Variants in C5orf58 observed in about 807,000 individuals in gnomAD.
C5orf58 encodes the protein chromosome 5 open reading frame 58, also known as putative uncharacterized protein C5orf58.
Under a neutral mutation model 2.9 loss-of-function variants are expected in C5orf58, and 2 were observed. The observed-to-expected ratio is 0.69, with a 90% CI of 0.28 to 2.18. C5orf58 has a LOEUF of 2.18. Among genes scored for constraint, C5orf58 ranks in the 30% most tolerant of loss-of-function variants. The probability of loss-of-function intolerance (pLI) is 0.13; values close to 1 mark genes in which losing one functional copy is unlikely to be tolerated. For missense variants in C5orf58, 96 were observed against 91.7 expected (o/e 1.05, Z -0.19); for synonymous variants, 37 against 33.4 (o/e 1.11, Z -0.37).
In C5orf58 at chr5:170,252,021, A is replaced by G; in HGVS notation, c.*366A>G. The G allele has an allele frequency of 1.5e-5, 3 of 199,772 alleles. No homozygotes were observed. In the East Asian group the frequency reaches 3.2e-4, roughly 22 times the overall value. The allele number at this position is 199,772 out of a possible 1,614,324, so 12.4% of individuals were successfully genotyped here. On this transcript the variant is annotated 3_prime_UTR_variant, in exon 3 of 3. Coordinates refer to the C5orf58 transcript ENST00000517575. ...TAGAAACGTCTAGGGCAAAAAGCAA[A>G]AAGTTGCTGCCATCTCTTTAATATT...
chr5:170,237,944 C>T (rs1033134767), intron 3 of C5orf58, among the ~76,000 whole-genome samples: 3 of 152,224 alleles, frequency 2.0e-5, no homozygotes, highest in East Asian at 3.9e-4. Flanking sequence ...CAGATTTATA[C>T]CCACCAAGTA....
At chr5:170,237,789 A>C (rs937444647) in intron 3 of C5orf58, among the ~76,000 whole-genome samples, 4 of 152,208 alleles carry the variant, frequency 2.6e-5, no homozygotes, top group African/African-American at 4.8e-5. Flanking sequence ...TGAGGTTAAA[A>C]CAAGGATATT....
At chr5:170,240,531 G>T (rs1282649532) in intron 3 of C5orf58, among the ~76,000 whole-genome samples, 5 of 152,018 alleles carry the variant, frequency 3.3e-5, no homozygotes, top group African/African-American at 9.7e-5. Flanking sequence ...GGCCAGTGAT[G>T]ATGAGCATTT....
chr5:170,247,528 G>T (rs1761326184), downstream of C5orf58: 1 of 152,190 alleles, frequency 6.6e-6, no homozygotes. Flanking sequence ...AACAACCAAG[G>T]TCCCAAAGGG....
exon 3 of C5orf58, chr5:170,251,844 G>T (rs1267176921): frequency 3.1e-6 from 1 of 318,842 alleles, no homozygotes; most frequent in Non-Finnish European, 6.5e-6. Flanking sequence ...TGATCTAAAT[G>T]TGCAACTACT....
chr5:170,248,224 T>C (rs1159979204), downstream of C5orf58: 1 of 152,836 alleles, frequency 6.5e-6, no homozygotes, highest in Non-Finnish European at 1.5e-5. Flanking sequence ...AAATTATTGC[T>C]GCTGAGAAAA....
At chr5:170,241,708 T>G (rs1394302020) in intron 3 of C5orf58, among the ~76,000 whole-genome samples, 1 of 145,060 alleles carries the variant, frequency 6.9e-6, no homozygotes, top group Admixed American at 6.8e-5. Flanking sequence ...AGATATACAA[T>G]CATGTCATCT....
At chr5:170,251,730 TA>T in exon 3 of C5orf58, 1 of 451,152 alleles carries the variant, frequency 2.2e-6, no homozygotes, top group Admixed American at 2.4e-5. Context: ...AAATTAGAAT[TA>T]CCTGGGAAGT....
At position 170,235,024 on chromosome 5, in the gene C5orf58, A is replaced by G; in HGVS notation, c.48A>G (p.Val16=). 6.5e-7 allele frequency: 1 copy of G among 1,550,016 alleles called. No homozygotes were observed. The change falls in exon 3 of 4, where the codon GTA becomes GTG. Residue 16 remains valine (V), a synonymous_variant. Transcript: ENST00000593851. ...VTDHKLNVDK[V]IKNINTISSE... ...ATCATAAGCTAAATGTGGACAAAGT[A>G]ATTAAAAATATTAACACAATTTCTT...
downstream of C5orf58, among the ~76,000 whole-genome samples, chr5:170,249,033 A>C (rs1214516879): frequency 6.6e-6 from 1 of 152,196 alleles, no homozygotes; most frequent in Non-Finnish European, 1.5e-5. Context: ...GATAAAGATA[A>C]AATATGGGCC....
chr5:170,238,507 G>C (rs1319645868), intron 3 of C5orf58, among the ~76,000 whole-genome samples: 1 of 152,066 alleles, frequency 6.6e-6, no homozygotes, highest in African/African-American at 2.4e-5. Flanking sequence ...GTTAGAAAGA[G>C]AGAACATACA....
At chr5:170,249,000 T>A (rs898800249), downstream of C5orf58, among the ~76,000 whole-genome samples, 1 of 152,166 alleles carries the variant, frequency 6.6e-6, no homozygotes, top group Non-Finnish European at 1.5e-5. Context: ...AAAAAATTCC[T>A]CATAAACATC....
intron 3 of C5orf58, among the ~76,000 whole-genome samples, chr5:170,245,418 C>G (rs1231325039): frequency 2.0e-5 from 3 of 152,200 alleles, no homozygotes; most frequent in Non-Finnish European, 4.4e-5. Context: ...TGCTAGCAAT[C>G]AGCGAGACTC....
chr5:170,248,007 G>A (rs559694166), downstream of C5orf58: 114 of 152,236 alleles, frequency 7.5e-4, no homozygotes, highest in African/African-American at 2.7e-3. Context: ...GGTATTTGTA[G>A]TTTAAATTTT....
downstream of C5orf58, chr5:170,250,816 A>G: frequency 6.2e-7 from 1 of 1,612,646 alleles, no homozygotes; most frequent in Non-Finnish European, 8.5e-7. Context: ...TTATCTTTGT[A>G]CAACACCATG....
At chr5:170,248,619 T>C, downstream of C5orf58, 1 of 1,526,482 alleles carries the variant, frequency 6.6e-7, no homozygotes, top group Non-Finnish European at 9.0e-7. Flanking sequence ...CCTAAGTGTT[T>C]GTCCATTGAC....
downstream of C5orf58, chr5:170,248,735 A>G (rs187889192): frequency 3.3e-3 from 5,280 of 1,610,636 alleles, 15 homozygotes; most frequent in Non-Finnish European, 4.0e-3. Flanking sequence ...GTGCACTGGT[A>G]TCTGGAACCT....
At chr5:170,243,743 CTG>C (rs1181467900) in intron 3 of C5orf58, among the ~76,000 whole-genome samples, 1 of 151,440 alleles carries the variant, frequency 6.6e-6, no homozygotes, top group Admixed American at 6.6e-5. Context: ...ATTTGCCAGA[CTG>C]TGTCTTTTAA....
downstream of C5orf58, chr5:170,252,425 G>A: frequency 6.7e-7 from 1 of 1,494,412 alleles, no homozygotes; most frequent in Non-Finnish European, 9.3e-7. Context: ...ATAAACTATA[G>A]CACAATACCT....
Sources: allele counts gnomAD v4.1 joint callset (sites outside exome capture counted in the v4.1 genomes callset), GRCh38; gene constraint gnomAD v4.1.1; transcripts MANE v1.5; gene names NCBI Gene and HGNC (gene_info 2026-07-23, HGNC 2026-07-21).